SPI1: variants seen among roughly 807,000 people sequenced by gnomAD.
SPI1 encodes Spi-1 proto-oncogene.
SPI1 carries 3 observed loss-of-function variants against 30.7 expected under a neutral mutation model. That is an observed-to-expected ratio of 0.10 (90% confidence interval 0.04 to 0.25). The LOEUF is 0.25. Among genes scored for constraint, SPI1 ranks in the 10% least tolerant of loss-of-function variants. SPI1 has a pLI of 1.00. For synonymous variants in SPI1, 169 were observed against 157.1 expected (o/e 1.08, Z -0.56); for missense variants, 261 against 371.5 (o/e 0.70, Z 2.45).
chr11:47,357,273 C>T (rs935770368), intron 4 of SPI1, among the ~76,000 whole-genome samples: 2 of 82,484 alleles, frequency 2.4e-5, no homozygotes, highest in African/African-American at 1.1e-4. Flanking sequence ...CATGCTCACA[C>T]CTCACAGCTG....
chr11:47,369,313 G>A (rs1167064140), intron 2 of SPI1, among the ~76,000 whole-genome samples: 2 of 152,054 alleles, frequency 1.3e-5, no homozygotes, highest in Non-Finnish European at 2.9e-5. Context: ...GCCCTTCAAA[G>A]TCTATCTTGA....
intron 1 of SPI1, among the ~76,000 whole-genome samples, chr11:47,376,445 G>A (rs1196402588): frequency 6.6e-6 from 1 of 152,062 alleles, no homozygotes; most frequent in Admixed American, 6.6e-5. Context: ...CCACACTGAC[G>A]GTTGGTGCAG....
intron 2 of SPI1, among the ~76,000 whole-genome samples, chr11:47,363,963 C>CAAAAAAA (rs1161379136): frequency 1.7e-5 from 1 of 58,882 alleles, no homozygotes; most frequent in Non-Finnish European, 3.0e-5. Flanking sequence ...ACTCGGTCTC[C>CAAAAAAA]AAAAAAAAAA....
intron 1 of SPI1, among the ~76,000 whole-genome samples, chr11:47,377,006 T>G (rs2095943282): frequency 6.6e-6 from 1 of 152,154 alleles, no homozygotes; most frequent in Non-Finnish European, 1.5e-5. Flanking sequence ...CAGAATTGGC[T>G]CTTTCTGAGA....
At chr11:47,366,950 C>A (rs2095929237) in intron 2 of SPI1, among the ~76,000 whole-genome samples, 1 of 152,198 alleles carries the variant, frequency 6.6e-6, no homozygotes, top group African/African-American at 2.4e-5. Flanking sequence ...TTCCTTGTTA[C>A]AAAGATGGAT....
At chr11:47,358,798 A>G in intron 4 of SPI1, 46 bp downstream of exon 4, 2 of 1,540,816 alleles carry the variant, frequency 1.3e-6, no homozygotes, top group Non-Finnish European at 1.8e-6. Context: ...GGCAGGGCAC[A>G]GACACGGCCA....
At chr11:47,370,706 AAAT>A (rs1482443053) in intron 2 of SPI1, among the ~76,000 whole-genome samples, 6 of 152,348 alleles carry the variant, frequency 3.9e-5, no homozygotes, top group South Asian at 4.1e-4. Context: ...TCTCATAAAA[AAAT>A]AATAATAATT....
At position 47,359,807 on chromosome 11, in the gene SPI1, C is replaced by T; in HGVS notation, c.330+46G>A. The stretch of plus-strand genomic sequence containing the variant: ...CCTGTGAAGCTCCCGGGCCCCACCA[C>T]AGGCCTGGCAGTCTCCTGGGGGACG... On this transcript the variant is annotated intron_variant, in intron 3 of 4. Coordinates refer to ENST00000378538, the MANE Select transcript of SPI1 (RefSeq NM_003120.3). This position sits in a 1 kb window ranked among gnomAD's most constrained non-coding sequence, Gnocchi z 5.1. 1 of 1,587,100 alleles carries T rather than the reference C, an allele frequency of 6.3e-7. No individual in the cohort carries two copies. The highest frequency in any genetic ancestry group is 8.5e-7 in the Non-Finnish European group (1 of 1,170,130).
chr11:47,372,787 T>C (rs896816), intron 2 of SPI1, among the ~76,000 whole-genome samples: 105,033 of 152,022 alleles, frequency 0.69, 36,478 homozygotes, highest in African/African-American at 0.77. Context: ...TCAGAGATTA[T>C]ATGCCTTACC....
At chr11:47,366,789 A>G (rs946432137) in intron 2 of SPI1, among the ~76,000 whole-genome samples, 4 of 150,934 alleles carry the variant, frequency 2.7e-5, no homozygotes, top group African/African-American at 7.3e-5. Flanking sequence ...CCATTGCACT[A>G]CAGCCTGGAC....
chr11:47,373,754 G>C (rs2142897514), intron 2 of SPI1, among the ~76,000 whole-genome samples: 1 of 152,256 alleles, frequency 6.6e-6, no homozygotes. Context: ...GGAGTCTCTG[G>C]AGGAACTAGG....
intron 4 of SPI1, among the ~76,000 whole-genome samples, chr11:47,357,946 C>G (rs923907230): frequency 6.6e-6 from 1 of 151,740 alleles, no homozygotes; most frequent in Non-Finnish European, 1.5e-5. Flanking sequence ...ACATGCACAC[C>G]TGCTCACACA....
chr11:47,375,517 A>T lies in SPI1; in HGVS notation c.142+116T>A. On this transcript the variant is annotated intron_variant, in intron 2 of 4. Transcript: ENST00000378538. The surrounding 1 kb of genome is among the most constrained non-coding windows in gnomAD (Gnocchi z 4.2). ...TTCACTGCCTTTGAGAGCAAACTTG[A>T]TCTGATTCTCAGAATTCCAAAGAAG... 1.2e-6 allele frequency: 1 copy of T among 844,696 alleles called. No individual in the cohort carries two copies. Among genetic ancestry groups the T allele is most frequent in the Admixed American group, 2.0e-5 (1 of 49,984 alleles). The allele number at this position is 844,696 out of a possible 1,614,324, so 52.3% of individuals were successfully genotyped here. A position where few individuals can be genotyped will look rare whatever the true frequency, so the allele number is the denominator to read the frequency against.
chr11:47,368,044 T>C (rs1259742760), intron 2 of SPI1, among the ~76,000 whole-genome samples: 4 of 152,114 alleles, frequency 2.6e-5, no homozygotes, highest in Admixed American at 2.6e-4. Flanking sequence ...TGAGCCACTG[T>C]GCCCGGCCGA....
Position 47,375,852 on chromosome 11 carries a change from CCCT to C in SPI1, c.46-126_46-124del, listed in dbSNP as rs2095941640. 2.5e-6 allele frequency: 2 copies of C among 792,268 alleles called. No homozygotes were observed. The highest frequency in any genetic ancestry group is 3.8e-5 in the Admixed American group (2 of 51,982). The allele number at this position is 792,268 out of a possible 1,614,324, so 49.1% of individuals were successfully genotyped here. ...CTCAGTGGCTGCGTTGGACCTACAG[CCCT>C]CCCTCTGCCTGGAACTGGGACAGAG... On this transcript the variant is annotated intron_variant, in intron 1 of 4. Coordinates refer to ENST00000378538, the MANE Select transcript of SPI1 (RefSeq NM_003120.3). This position sits in a 1 kb window ranked among gnomAD's most constrained non-coding sequence, Gnocchi z 4.2.
chr11:47,373,860 C>T (rs965006785), intron 2 of SPI1, among the ~76,000 whole-genome samples: 1 of 152,108 alleles, frequency 6.6e-6, no homozygotes, highest in African/African-American at 2.4e-5. Context: ...CCCTGAGCCA[C>T]GAAAACACAT....
chr11:47,370,886 G>C (rs1449890839), intron 2 of SPI1, among the ~76,000 whole-genome samples: 1 of 152,152 alleles, frequency 6.6e-6, no homozygotes, highest in Non-Finnish European at 1.5e-5. Flanking sequence ...GTGAGTGTGT[G>C]TGTGTGTGTG....
At position 47,355,299 on chromosome 11, in the gene SPI1, C is replaced by T. The variant is rs1261348158; in HGVS notation, c.741G>A (p.Lys247=). ...KTGEVKKVKK[K]LTYQFSGEVL... Reference sequence around the variant, plus strand: ...CTTCGCCGCTGAACTGGTAGGTGAGCTTCTTCTTCACCTTCTTGACCTCGC... The same window carrying T: ...CTTCGCCGCTGAACTGGTAGGTGAGTTTCTTCTTCACCTTCTTGACCTCGC... The change falls in exon 5 of 5, where the codon AAG becomes AAA. Residue 247 remains lysine, a synonymous_variant. Transcript: ENST00000378538. The T allele has an allele frequency of 1.2e-6, 2 of 1,603,848 alleles. No individual in the cohort carries two copies. The highest frequency in any genetic ancestry group is 1.3e-5 in the African/African-American group (1 of 74,640).
chr11:47,355,781 C>CCT (rs1555124601), intron 4 of SPI1, among the ~76,000 whole-genome samples: 1 of 150,760 alleles, frequency 6.6e-6, no homozygotes, highest in African/African-American at 2.4e-5. Context: ...CTCACCCCCC[C>CCT]CACGCGCACA....
Sources: gnomAD v4.1 joint callset for allele counts (sites outside exome capture counted in the v4.1 genomes callset) on GRCh38, gnomAD v4.1.1 for gene constraint, Gnocchi (gnomAD v3.1) non-coding constraint, MANE v1.5 for transcripts, NCBI Gene and HGNC (gene_info 2026-07-23, HGNC 2026-07-21) for gene names.